The following DYNC1I1 variants were observed in gnomAD, a reference collection of about 807,000 sequenced individuals.
DYNC1I1 encodes cytoplasmic dynein 1 intermediate chain 1.
Under a neutral mutation model 86.6 loss-of-function variants are expected in DYNC1I1, and 43 were observed. That is an observed-to-expected ratio of 0.50 (90% CI 0.39 to 0.64). DYNC1I1 has a LOEUF of 0.64. Ranked by LOEUF, DYNC1I1 falls within the 30% of genes least tolerant of loss-of-function variation. The probability of loss-of-function intolerance (pLI) is 0.00; values close to 1 mark genes in which losing one functional copy is unlikely to be tolerated. For missense variants in DYNC1I1, 604 were observed against 788.8 expected (o/e 0.77, Z 2.81); for synonymous variants, 262 against 283.7 (o/e 0.92, Z 0.77).
At chr7:95,982,114 T>A (rs1793473466) in intron 7 of DYNC1I1, among the ~76,000 whole-genome samples, 1 of 152,152 alleles carries the variant, frequency 6.6e-6, no homozygotes, top group Admixed American at 6.6e-5. Flanking sequence ...CACTTATCAA[T>A]TTAAAGATCT....
At chr7:96,036,769 G>A (rs982280400) in intron 13 of DYNC1I1, among the ~76,000 whole-genome samples, 1 of 152,130 alleles carries the variant, frequency 6.6e-6, no homozygotes, top group Non-Finnish European at 1.5e-5. Flanking sequence ...CAGTTCCCAG[G>A]TGATAAGAAC....
At chr7:95,940,026 G>A (rs1584180815) in intron 6 of DYNC1I1, among the ~76,000 whole-genome samples, 1 of 152,172 alleles carries the variant, frequency 6.6e-6, no homozygotes, top group Admixed American at 6.5e-5. Flanking sequence ...TTGCTTGTCT[G>A]TAAAGTATTT....
chr7:95,794,161 G>A (rs115217739), intron 1 of DYNC1I1, among the ~76,000 whole-genome samples: 4,859 of 152,204 alleles, frequency 0.032, 252 homozygotes, highest in African/African-American at 0.11. Flanking sequence ...TCTTCATGTA[G>A]TTATCCTTGT....
At chr7:95,913,784 C>A (rs1791399143) in intron 6 of DYNC1I1, among the ~76,000 whole-genome samples, 1 of 152,206 alleles carries the variant, frequency 6.6e-6, no homozygotes, top group Admixed American at 6.5e-5. Flanking sequence ...TCTCTATTCA[C>A]TAATAATGCT....
At chr7:96,107,702 T>G (rs1270639107) in intron 16 of DYNC1I1, among the ~76,000 whole-genome samples, 1 of 151,928 alleles carries the variant, frequency 6.6e-6, no homozygotes, top group Non-Finnish European at 1.5e-5. Flanking sequence ...CGGCTAATTT[T>G]TGTATTTTTA....
chr7:95,818,862 C>A (rs1795009915), intron 4 of DYNC1I1: 1 of 230,700 alleles, frequency 4.3e-6, no homozygotes, highest in African/African-American at 2.3e-5. Context: ...CTTTTTCAAT[C>A]AAGTGTATTT....
At position 96,071,401 on chromosome 7, in the gene DYNC1I1, G is replaced by A. The variant is rs73399069; in HGVS notation, c.1510-4656G>A. ...GCTGCAGCTTTCCATCGTAAGATGC[G>A]AAAAGTAAGATCCAAGGATGTTAAG... On this transcript the variant is annotated intron_variant, in intron 14 of 16. Transcript: ENST00000447467. Among the ~76,000 whole-genome samples the A allele has an allele frequency of 8.9e-3, 1,350 of 152,262 alleles. 26 individuals are homozygous for A. Among genetic ancestry groups the A allele is most frequent in the African/African-American group, 0.031 (1,291 of 41,540 alleles).
chr7:96,019,389 T>TA (rs1794485161), intron 10 of DYNC1I1, among the ~76,000 whole-genome samples: 1 of 151,974 alleles, frequency 6.6e-6, no homozygotes, highest in Admixed American at 6.6e-5. Flanking sequence ...TTTTTTTTTT[T>TA]ATTCAGATAA....
chr7:95,998,963 A>G (rs1243067649), intron 10 of DYNC1I1, among the ~76,000 whole-genome samples: 1 of 152,240 alleles, frequency 6.6e-6, no homozygotes, highest in East Asian at 1.9e-4. Flanking sequence ...AAGGCCAAAA[A>G]GTATCTTCTA....
Position 95,948,448 on chromosome 7 carries a change from G to A in DYNC1I1, c.491-29064G>A, listed in dbSNP as rs1483807823. On this transcript the variant is annotated intron_variant, in intron 6 of 16. Coordinates refer to ENST00000447467, the MANE Select transcript of DYNC1I1 (RefSeq NM_001135556.2). The stretch of plus-strand genomic sequence containing the variant: ...TCTATCATCAGTATGGACTCAAGCT[G>A]CATTATTGAGGTCCCAAGAACACAT... Among the ~76,000 whole-genome samples, 3 of 152,140 alleles carry A rather than the reference G, an allele frequency of 2.0e-5. No homozygotes were observed. In the East Asian group the frequency reaches 5.8e-4, roughly 29 times the overall value.
intron 5 of DYNC1I1, among the ~76,000 whole-genome samples, chr7:95,832,848 T>C (rs36181505): frequency 0.024 from 3,596 of 152,266 alleles, 61 homozygotes; most frequent in Middle Eastern, 0.037. Flanking sequence ...TGTTTGAGTT[T>C]ATCGTAGATT....
At chr7:96,099,342 C>T (rs1240168895), downstream of DYNC1I1, among the ~76,000 whole-genome samples, 1 of 152,164 alleles carries the variant, frequency 6.6e-6, no homozygotes, top group Admixed American at 6.6e-5. Flanking sequence ...CCTGTTGAAT[C>T]CAGGCTGACG....
chr7:95,941,622 T>A (rs1011662814), intron 6 of DYNC1I1, among the ~76,000 whole-genome samples: 1 of 152,176 alleles, frequency 6.6e-6, no homozygotes, highest in Non-Finnish European at 1.5e-5. Flanking sequence ...CAGGATATAA[T>A]CTCCTCGTGT....
At chr7:95,870,463 G>T (rs1474968510) in intron 6 of DYNC1I1, among the ~76,000 whole-genome samples, 2 of 152,220 alleles carry the variant, frequency 1.3e-5, no homozygotes, top group African/African-American at 2.4e-5. Flanking sequence ...TTACTTTCTT[G>T]CTGCAGTGGC....
At chr7:96,059,887 T>C (rs1264265651) in intron 14 of DYNC1I1, among the ~76,000 whole-genome samples, 1 of 152,176 alleles carries the variant, frequency 6.6e-6, no homozygotes, top group African/African-American at 2.4e-5. Context: ...CTTGAAAAGC[T>C]AATCAGTGGT....
intron 14 of DYNC1I1, among the ~76,000 whole-genome samples, chr7:96,068,869 G>C (rs1315502404): frequency 6.6e-6 from 1 of 152,152 alleles, no homozygotes. Flanking sequence ...GTAAAAGGTT[G>C]GCAGTTTAAG....
At chr7:95,998,544 A>G (rs557238325) in intron 10 of DYNC1I1, among the ~76,000 whole-genome samples, 1 of 151,876 alleles carries the variant, frequency 6.6e-6, no homozygotes, top group African/African-American at 2.4e-5. Context: ...CTTATTTATT[A>G]CAACTGGTCA....
chr7:95,849,013 C>T (rs1015303084), intron 5 of DYNC1I1, among the ~76,000 whole-genome samples: 6 of 152,032 alleles, frequency 3.9e-5, no homozygotes, highest in African/African-American at 1.4e-4. Flanking sequence ...ACTCATTGAC[C>T]ATCTGTATGT....
chr7:95,846,600 C>T (rs1789432463), intron 5 of DYNC1I1, among the ~76,000 whole-genome samples: 1 of 143,298 alleles, frequency 7.0e-6, no homozygotes, highest in East Asian at 2.0e-4. Context: ...AATACCCATT[C>T]TGAACATAAA....
Sources: allele counts gnomAD v4.1 joint callset (sites outside exome capture counted in the v4.1 genomes callset), GRCh38; gene constraint gnomAD v4.1.1; transcripts MANE v1.5; gene names NCBI Gene and HGNC (gene_info 2026-07-23, HGNC 2026-07-21).